Variants in ATAD3C observed in about 807,000 individuals in gnomAD.
The protein encoded by ATAD3C is ATPase family AAA domain-containing protein 3C.
In ATAD3C, 38 loss-of-function variants were observed where a neutral mutation model predicts 46.3. The observed-to-expected ratio is 0.82, with a 90% CI of 0.63 to 1.08. The LOEUF is 1.08. ATAD3C is among the 50% of genes least tolerant of loss of function. ATAD3C has a pLI of 0.00. For synonymous variants in ATAD3C, 220 were observed against 236.4 expected, an observed-to-expected ratio of 0.93 and a Z score of 0.63; for missense variants, 563 against 572.7, an observed-to-expected ratio of 0.98 and a Z score of 0.17.
At position 1,459,159 on chromosome 1, in the gene ATAD3C, A is replaced by T. The variant is rs535981931; in HGVS notation, c.742-2A>T. 1.6e-4 allele frequency: 253 copies of T among 1,610,926 alleles called. 1 individual carries two copies. The East Asian group carries it at 5.6e-3, about 36-fold the overall frequency. On this transcript the variant is annotated splice_acceptor_variant, in intron 8 of 11. Coordinates refer to ENST00000378785, the MANE Select transcript of ATAD3C (RefSeq NM_001039211.3). LOFTEE classifies it high-confidence loss of function. The surrounding 1 kb of genome is among the most constrained non-coding windows in gnomAD (Gnocchi z 4.9). ...CCTAAGGCTGGAACCTTCTCTCTGC[A>T]GGAGAAGATAAGCGAGGACCTCAGG... is the stretch of plus-strand genomic sequence containing the variant.
chr1:1,469,099 T>TTAAAA lies in ATAD3C; in HGVS notation c.*569_*570insTAAAA, dbSNP rs1477624162. The TTAAAA allele has an allele frequency of 2.7e-4, 5 of 18,850 alleles. 1 individual carries two copies. The highest frequency in any genetic ancestry group is 6.4e-4 in the African/African-American group (5 of 7,840). The allele number at this position is 18,850 out of a possible 1,614,324, so 1.2% of individuals were successfully genotyped here. ...CAACATGGTGAAACTCCATCTCTCC[T>TTAAAA]AAAAAAAAAAAAAAAAAAAAAAAAA... On this transcript the variant is annotated 3_prime_UTR_variant, in exon 12 of 12. Transcript: ENST00000378785.
In ATAD3C at chr1:1,459,739, G is replaced by A. The variant is rs1450578814; in HGVS notation, c.812+508G>A. On this transcript the variant is annotated intron_variant, in intron 9 of 11. Coordinates refer to ENST00000378785, the MANE Select transcript of ATAD3C (RefSeq NM_001039211.3). The surrounding 1 kb of genome is among the most constrained non-coding windows in gnomAD (Gnocchi z 4.9). ...CCAGGCTTGGGGCCCACCCGACTTT[G>A]TGTGGCCTCTGTGGGCTGCCGCCCA... 2.0e-5 allele frequency among the ~76,000 whole-genome samples: 3 copies of A among 152,110 alleles called. No individual in the cohort carries two copies. Among genetic ancestry groups the A allele is most frequent in the South Asian group, 4.2e-4 (2 of 4,808 alleles).
rs761654916 is a variant in ATAD3C, at chr1:1,455,496, G to A, written c.415G>A (p.Val139Met). 22 of 1,612,576 alleles carry A rather than the reference G, an allele frequency of 1.4e-5. No homozygotes were observed. Among genetic ancestry groups the A allele is most frequent in the Middle Eastern group, 1.8e-4 (1 of 5,520 alleles). ...GCGGCTCCTCAGTCGACCCCAGGACGTGCTGGAGGGTGTTGTGCTTAGTGT... is the reference window on the plus strand; with the variant it reads ...GCGGCTCCTCAGTCGACCCCAGGACATGCTGGAGGGTGTTGTGCTTAGTGT... ...SRRLLSRPQD[V>M]LEGVVLSPSL... is the part of the protein sequence containing the mutation. The change falls in exon 5 of 12, where the codon GTG becomes ATG. Residue 139 changes from valine to methionine, a missense_variant. Physicochemically the swap from Val to Met is conservative, Grantham distance 21 (BLOSUM62 1). Coordinates refer to ENST00000378785, the MANE Select transcript of ATAD3C (RefSeq NM_001039211.3).
intron 1 of ATAD3C, among the ~76,000 whole-genome samples, chr1:1,451,180 A>G (rs1418928226): frequency 1.3e-5 from 2 of 151,174 alleles, no homozygotes; most frequent in Non-Finnish European, 1.5e-5. Flanking sequence ...AGCTGGGACT[A>G]CAGGCACCTG....
At position 1,462,760 on chromosome 1, in the gene ATAD3C, G is replaced by A; in HGVS notation, c.1089+52G>A. ...CAGATGGAAGCCCAGCTGCTGTGCA[G>A]ATGCTTGGTTGCGCCAGGCCTGTCC... is the stretch of plus-strand genomic sequence containing the variant. On this transcript the variant is annotated intron_variant, in intron 11 of 11. Coordinates refer to ENST00000378785, the MANE Select transcript of ATAD3C (RefSeq NM_001039211.3). The surrounding 1 kb of genome is among the most constrained non-coding windows in gnomAD (Gnocchi z 4.5). 2 of 1,541,374 alleles carry A rather than the reference G, an allele frequency of 1.3e-6. No individual in the cohort carries two copies. The highest frequency in any genetic ancestry group is 1.4e-5 in the African/African-American group (1 of 73,598).
intron 3 of ATAD3C, among the ~76,000 whole-genome samples, chr1:1,452,963 G>A (rs1638889024): frequency 6.6e-6 from 1 of 152,024 alleles, no homozygotes; most frequent in Admixed American, 6.6e-5. Flanking sequence ...CCGGCCTGCT[G>A]TGGTGGCGCC....
At position 1,459,993 on chromosome 1, in the gene ATAD3C, G is replaced by C. The variant is rs1381762779; in HGVS notation, c.813-757G>C. Among the ~76,000 whole-genome samples the C allele has an allele frequency of 6.6e-6, 1 of 151,938 alleles. No individual in the cohort carries two copies. The highest frequency in any genetic ancestry group is 6.6e-5 in the Admixed American group (1 of 15,246). On this transcript the variant is annotated intron_variant, in intron 9 of 11. Transcript: ENST00000378785. This position sits in a 1 kb window ranked among gnomAD's most constrained non-coding sequence, Gnocchi z 4.9. ...AGCCCTGACTCGGGTCCTTCCCAGA[G>C]AGGCAAGGCTGGGGCCCTGCTGAGC... is the stretch of plus-strand genomic sequence containing the variant.
intron 1 of ATAD3C, 98 bp downstream of exon 1, chr1:1,450,856 G>C (rs1638847116): frequency 6.5e-7 from 1 of 1,547,624 alleles, no homozygotes; most frequent in Non-Finnish European, 8.8e-7. Context: ...CCGGGGGTGT[G>C]TACATGGGCA....
At chr1:1,456,001 G>A (rs1187216260) in intron 6 of ATAD3C, 85 bp downstream of exon 6, 3 of 1,593,582 alleles carry the variant, frequency 1.9e-6, no homozygotes, top group African/African-American at 2.7e-5. Context: ...AGCTGCCTGG[G>A]GAATGGACCC....
Position 1,469,082 on chromosome 1 carries a change from T to G in ATAD3C, c.*552T>G, listed in dbSNP as rs1570164112. 9.8e-6 allele frequency: 1 copy of G among 102,316 alleles called. No individual in the cohort carries two copies. The highest frequency in any genetic ancestry group is 4.1e-5 in the African/African-American group (1 of 24,478). The allele number at this position is 102,316 out of a possible 1,614,324, so 6.3% of individuals were successfully genotyped here. A position where few individuals can be genotyped will look rare whatever the true frequency, so the allele number is the denominator to read the frequency against. On this transcript the variant is annotated 3_prime_UTR_variant, in exon 12 of 12. Transcript: ENST00000378785. Reference sequence around the variant, plus strand: ...TTCCAGACCAGCCTGGCCAACATGGTGAAACTCCATCTCTCCTAAAAAAAA... The same window carrying G: ...TTCCAGACCAGCCTGGCCAACATGGGGAAACTCCATCTCTCCTAAAAAAAA...
Position 1,468,910 on chromosome 1 carries a change from A to T in ATAD3C, c.*380A>T, listed in dbSNP as rs1359870099. ...CACACGGTGGAGGGAAGTGCACGCG[A>T]AACAGACACAGCGGCTTCAAATAGA... On this transcript the variant is annotated 3_prime_UTR_variant, in exon 12 of 12. Transcript: ENST00000378785. 4.0e-6 allele frequency: 1 copy of T among 253,150 alleles called. No homozygotes were observed. Among genetic ancestry groups the T allele is most frequent in the Non-Finnish European group, 7.7e-6 (1 of 130,206 alleles). The allele number at this position is 253,150 out of a possible 1,614,324, so 15.7% of individuals were successfully genotyped here.
At position 1,468,668 on chromosome 1, in the gene ATAD3C, C is replaced by T. The variant is rs766073187; in HGVS notation, c.*138C>T. The T allele has an allele frequency of 1.0e-5, 16 of 1,531,126 alleles. No homozygotes were observed. Among genetic ancestry groups the T allele is most frequent in the South Asian group, 8.4e-5 (7 of 83,272 alleles). The allele number at this position is 1,531,126 out of a possible 1,614,324, so 94.8% of individuals were successfully genotyped here. A position where few individuals can be genotyped will look rare whatever the true frequency, so the allele number is the denominator to read the frequency against. On this transcript the variant is annotated 3_prime_UTR_variant, in exon 12 of 12. Coordinates refer to ENST00000378785, the MANE Select transcript of ATAD3C (RefSeq NM_001039211.3). ...GCACCGCTGTGTCTATTGGCTGACA[C>T]GGGGCGGGGTTTGGGGCCCCCTAAC...
At chr1:1,455,134 T>G (rs1695865) in intron 4 of ATAD3C, among the ~76,000 whole-genome samples, 46,428 of 148,554 alleles carry the variant, frequency 0.31, 9,026 homozygotes, top group East Asian at 0.52. Flanking sequence ...GAAGAATGGC[T>G]TGAACCTGGG....
intron 11 of ATAD3C, among the ~76,000 whole-genome samples, 178 bp from the exon 12 acceptor site, chr1:1,468,206 G>A (rs1468826292): frequency 6.6e-6 from 1 of 152,118 alleles, no homozygotes; most frequent in East Asian, 1.9e-4. Flanking sequence ...GCACTGCAGG[G>A]GCTGCCCCCG....
Position 1,459,204 on chromosome 1 carries a change from T to C in ATAD3C, c.785T>C (p.Leu262Pro). ...EDLRATLNAF[L>P]YRTGQHSNKF... Reference sequence around the variant, plus strand: ...CTCAGGGCCACACTGAACGCCTTCCTGTACCGCACGGGCCAGCACAGCAAC... The same window carrying C: ...CTCAGGGCCACACTGAACGCCTTCCCGTACCGCACGGGCCAGCACAGCAAC... The change falls in exon 9 of 12, where the codon CTG becomes CCG. Residue 262 changes from leucine (L) to proline (P), a missense_variant. Leu to Pro is a moderately conservative substitution (Grantham distance 98). Transcript: ENST00000378785. The surrounding 1 kb of genome is among the most constrained non-coding windows in gnomAD (Gnocchi z 4.9). 2 of 1,612,718 alleles carry C rather than the reference T, an allele frequency of 1.2e-6. No individual in the cohort carries two copies. The highest frequency in any genetic ancestry group is 2.2e-5 in the South Asian group (2 of 90,984).
rs1386459133 is a variant in ATAD3C at position 1,455,893 on chromosome 1, A to T, written c.541A>T (p.Thr181Ser). Reference sequence around the variant, plus strand: ...CATCCTGCTGTACGGGCCACCAGGCACCGGGAAGACGCTGTTTGCCAAGGT... The same window carrying T: ...CATCCTGCTGTACGGGCCACCAGGCTCCGGGAAGACGCTGTTTGCCAAGGT... ...RHILLYGPPG[T>S]GKTLFAKKLA... Residue 181 changes from threonine to serine, a missense_variant, in exon 6 of 12, where the codon ACC becomes TCC. Thr to Ser is a moderately conservative substitution (Grantham distance 58). This residue lies in a region of ATAD3C where 263 missense variants were observed against 243.1 expected (regional missense o/e 1.08). Coordinates refer to ENST00000378785, the MANE Select transcript of ATAD3C (RefSeq NM_001039211.3). The T allele has an allele frequency of 1.2e-6, 2 of 1,613,250 alleles. No homozygotes were observed. Among genetic ancestry groups the T allele is most frequent in the East Asian group, 2.2e-5 (1 of 44,866 alleles).
chr1:1,467,128 CA>C (rs1468921589), intron 11 of ATAD3C, among the ~76,000 whole-genome samples: 1 of 152,070 alleles, frequency 6.6e-6, no homozygotes, highest in Non-Finnish European at 1.5e-5. Flanking sequence ...GGTTTTGCCC[CA>C]GAATCCCACC....
intron 11 of ATAD3C, among the ~76,000 whole-genome samples, chr1:1,464,794 T>C (rs1414882077): frequency 6.6e-6 from 1 of 151,998 alleles, no homozygotes; most frequent in Non-Finnish European, 1.5e-5. Flanking sequence ...AGGAATGGTT[T>C]TCCTATTTTT....
chr1:1,455,359 G>A (rs1010892339), intron 4 of ATAD3C, 101 bp from the exon 5 acceptor site: 40 of 1,501,580 alleles, frequency 2.7e-5, no homozygotes, highest in African/African-American at 6.9e-5. Flanking sequence ...GCTGTGATTC[G>A]GGGCAGCTCC....
Sources: allele counts gnomAD v4.1 joint callset (sites outside exome capture counted in the v4.1 genomes callset), GRCh38; gene constraint gnomAD v4.1.1; regional missense constraint gnomAD v4.1.1; non-coding constraint Gnocchi (gnomAD v3.1); transcripts MANE v1.5; gene names NCBI Gene and HGNC (gene_info 2026-07-23, HGNC 2026-07-21).